Variants in COL5A1 observed in about 807,000 individuals in gnomAD.
COL5A1 encodes collagen type V alpha 1 chain.
Under a neutral mutation model 263.7 loss-of-function variants are expected in COL5A1, and 16 were observed. That is an observed-to-expected ratio of 0.06 (90% CI 0.04 to 0.09). The LOEUF (loss-of-function observed/expected upper bound fraction) is 0.09, where lower values mean the gene tolerates loss of function less well. Among genes scored for constraint, COL5A1 ranks in the 10% least tolerant of loss-of-function variants. The pLI is 1.00. For synonymous variants in COL5A1, 1,012 were observed against 1,004.5 expected (o/e 1.01, Z -0.14); for missense variants, 2,036 against 2,540.5 (o/e 0.80, Z 4.27).
rs751950836 is a variant in COL5A1 at position 134,796,386 on chromosome 9, G to A, written c.2812G>A (p.Gly938Ser). 1 of 1,614,144 alleles carries A rather than the reference G, an allele frequency of 6.2e-7. No individual in the cohort carries two copies. The highest frequency in any genetic ancestry group is 1.1e-5 in the South Asian group (1 of 91,084). The change falls in exon 35 of 66, where the codon GGT becomes AGT. Residue 938 changes from glycine (G) to serine (S), a missense_variant. By Grantham distance (56) the Gly-to-Ser change is moderately conservative. Transcript: ENST00000371817. Reference sequence around the variant, plus strand: ...CTTCCCTCTCAAGGGCAACTCCGGAGGTGACGGCCCAGCTGGCCCTCCTGG... The same window carrying A: ...CTTCCCTCTCAAGGGCAACTCCGGAAGTGACGGCCCAGCTGGCCCTCCTGG... ...GKPGPKGNSG[G>S]DGPAGPPGER...
chr9:134,801,352 A>G (rs1838105956), intron 37 of COL5A1, among the ~76,000 whole-genome samples: 1 of 152,260 alleles, frequency 6.6e-6, no homozygotes, highest in South Asian at 2.1e-4. Flanking sequence ...AAACAGCCAG[A>G]GGTAGTCGCG....
chr9:134,820,277 C>A, intron 58 of COL5A1, 54 bp downstream of exon 58: 1 of 1,426,208 alleles, frequency 7.0e-7, no homozygotes, highest in Non-Finnish European at 9.9e-7. Flanking sequence ...TTTTAGATCC[C>A]TGGGGCAGGC....
At chr9:134,828,333 C>A (rs1588604230) in intron 63 of COL5A1, among the ~76,000 whole-genome samples, 1 of 152,270 alleles carries the variant, frequency 6.6e-6, no homozygotes. Context: ...GAAGCGGGCA[C>A]AAGTAGTGCC....
chr9:134,659,171 A>C (rs1408300295), intron 1 of COL5A1, among the ~76,000 whole-genome samples: 2 of 149,088 alleles, frequency 1.3e-5, no homozygotes, highest in East Asian at 3.9e-4. Context: ...AAGCGGGTGG[A>C]TCACAAGGTC....
At chr9:134,734,213 G>A (rs929172743) in intron 9 of COL5A1, among the ~76,000 whole-genome samples, 2 of 152,158 alleles carry the variant, frequency 1.3e-5, no homozygotes, top group Admixed American at 6.5e-5. Context: ...GAGTCGAGGT[G>A]GCCCCACAGG....
chr9:134,770,438 G>A (rs1836830657), intron 25 of COL5A1, among the ~76,000 whole-genome samples: 1 of 152,202 alleles, frequency 6.6e-6, no homozygotes, highest in Non-Finnish European at 1.5e-5. Flanking sequence ...AAATGGTTAA[G>A]TGAATTATGG....
At chr9:134,687,415 T>TCATCCATC (rs5901049) in intron 1 of COL5A1, among the ~76,000 whole-genome samples, 29 of 147,722 alleles carry the variant, frequency 2.0e-4, no homozygotes, top group African/African-American at 6.3e-4. Flanking sequence ...CTCTGGGACT[T>TCATCCATC]CATCCATCCA....
rs756190610 is a variant in COL5A1 at position 134,763,735 on chromosome 9, C to T, written c.2032C>T (p.Pro678Ser). Residue 678 changes from proline to serine, a missense_variant and splice_region_variant, in exon 20 of 66, where the codon CCC becomes TCC. This residue lies in a region of COL5A1 where 1,078 missense variants were observed against 1,521.4 expected (regional missense o/e 0.71). Coordinates refer to ENST00000371817, the MANE Select transcript of COL5A1 (RefSeq NM_000093.5). ...TGGGCCCAGGGGGCTGCCTGGGGAG[C>T]CCGTAAGTCTGTGAGCTGAGTGGGA... ...EVGPRGLPGEPGPRGLLGPKG... is the reference protein window; with the variant it reads ...EVGPRGLPGESGPRGLLGPKG... The T allele has an allele frequency of 2.5e-6, 4 of 1,613,316 alleles. No individual in the cohort carries two copies. Among genetic ancestry groups the T allele is most frequent in the Non-Finnish European group, 3.4e-6 (4 of 1,179,634 alleles).
chr9:134,774,050 C>CA (rs1836963482), intron 26 of COL5A1, among the ~76,000 whole-genome samples: 1 of 152,246 alleles, frequency 6.6e-6, no homozygotes, highest in Non-Finnish European at 1.5e-5. Flanking sequence ...CTGGTGCTGA[C>CA]AGGTGGTTGG....
At position 134,824,828 on chromosome 9, in the gene COL5A1, C is replaced by A. The variant is rs1219304070; in HGVS notation, c.4927C>A (p.Gln1643Lys). Reference sequence around the variant, plus strand: ...CCCCGCCCGCACCTGCAAGGACCTGCAGCTCTGCCACCCCGACTTCCCAGA... The same window carrying A: ...CCCCGCCCGCACCTGCAAGGACCTGAAGCTCTGCCACCCCGACTTCCCAGA... Reference protein sequence around the residue: ...QNPARTCKDLQLCHPDFPDGE... With the variant: ...QNPARTCKDLKLCHPDFPDGE... The change falls in exon 62 of 66, where the codon CAG becomes AAG. Residue 1643 changes from glutamine (Q) to lysine (K), a missense_variant. Coordinates refer to ENST00000371817, the MANE Select transcript of COL5A1 (RefSeq NM_000093.5). 1.9e-6 allele frequency: 3 copies of A among 1,613,560 alleles called. No individual in the cohort carries two copies. In the Admixed American group the frequency reaches 5.0e-5, roughly 27 times the overall value.
intron 1 of COL5A1, among the ~76,000 whole-genome samples, chr9:134,659,930 GC>G (rs1352037875): frequency 6.6e-6 from 1 of 152,208 alleles, no homozygotes; most frequent in Non-Finnish European, 1.5e-5. Context: ...GGTAGGTGCT[GC>G]CTGTTTAGTT....
intron 65 of COL5A1, among the ~76,000 whole-genome samples, chr9:134,839,786 C>T (rs2132937775): frequency 6.6e-6 from 1 of 152,302 alleles, no homozygotes; most frequent in South Asian, 2.1e-4. Flanking sequence ...TGTGGATGGC[C>T]ACCTCTCATT....
In COL5A1 at chr9:134,842,425, C is replaced by T. The variant is rs1176892164; in HGVS notation, c.*122C>T. 2 of 1,242,742 alleles carry T rather than the reference C, an allele frequency of 1.6e-6. No homozygotes were observed. Among genetic ancestry groups the T allele is most frequent in the African/African-American group, 1.5e-5 (1 of 67,512 alleles). 77.0% of individuals were successfully genotyped at this position (1,242,742 alleles called of 1,614,324 possible). A position where few individuals can be genotyped will look rare whatever the true frequency, so the allele number is the denominator to read the frequency against. On this transcript the variant is annotated 3_prime_UTR_variant, in exon 66 of 66. Coordinates refer to ENST00000371817, the MANE Select transcript of COL5A1 (RefSeq NM_000093.5). The surrounding 1 kb of genome is among the most constrained non-coding windows in gnomAD (Gnocchi z 5.8). ...GGCTTCTCCCTCCCCTCCCACCTGA[C>T]TTCATCTACGCCTCGGCACCACGGG... is the stretch of plus-strand genomic sequence containing the variant.
At chr9:134,745,560 G>A (rs896072867) in intron 11 of COL5A1, among the ~76,000 whole-genome samples, 9 of 152,248 alleles carry the variant, frequency 5.9e-5, no homozygotes, top group Non-Finnish European at 1.3e-4. Context: ...TGAGGGGTGC[G>A]GTCTGAGGCA....
Position 134,760,613 on chromosome 9 carries a change from ACACACACACC to A in COL5A1, c.1936-1304_1936-1295del, listed in dbSNP as rs575993504. On this transcript the variant is annotated intron_variant, in intron 18 of 65. Coordinates refer to ENST00000371817, the MANE Select transcript of COL5A1 (RefSeq NM_000093.5). ...ACATGCACACACACCACACATGCAC[ACACACACACC>A]CACACACCCCCACACTCATACACTC... is the stretch of plus-strand genomic sequence containing the variant. Among the ~76,000 whole-genome samples the A allele has an allele frequency of 1.8e-3, 213 of 116,076 alleles. 3 individuals are homozygous for A. Among genetic ancestry groups the A allele is most frequent in the African/African-American group, 7.1e-3 (187 of 26,422 alleles). 76.2% of individuals were successfully genotyped at this position (116,076 alleles called of 152,430 possible).
chr9:134,816,726 C>T (rs1838760691), intron 52 of COL5A1, among the ~76,000 whole-genome samples: 2 of 152,234 alleles, frequency 1.3e-5, no homozygotes, highest in Non-Finnish European at 2.9e-5. Flanking sequence ...GCCAGTGCCT[C>T]GTCCCTGCCC....
intron 25 of COL5A1, among the ~76,000 whole-genome samples, chr9:134,772,110 C>T (rs909217049): frequency 1.3e-5 from 2 of 152,202 alleles, no homozygotes; most frequent in Non-Finnish European, 2.9e-5. Flanking sequence ...CAGCTCCCCT[C>T]CATCCCCGAG....
chr9:134,683,677 G>A (rs1395307093), intron 1 of COL5A1, among the ~76,000 whole-genome samples: 4 of 152,288 alleles, frequency 2.6e-5, no homozygotes, highest in South Asian at 2.1e-4. Flanking sequence ...TGCAGGCCCC[G>A]GTCCTGCCCT....
At chr9:134,796,954 ACCTGTCCCCTCCAAAACCCG>A (rs1236038216) in intron 36 of COL5A1, 53 bp downstream of exon 36, 2 of 258,448 alleles carry the variant, frequency 7.7e-6, no homozygotes, top group Admixed American at 7.8e-5. Flanking sequence ...TCCAAAACCC[ACCTGTCCCCTCCAAAACCCG>A]CCTGTTTTCT....
Sources: allele counts gnomAD v4.1 joint callset (sites outside exome capture counted in the v4.1 genomes callset), GRCh38; gene constraint gnomAD v4.1.1; regional missense constraint gnomAD v4.1.1; non-coding constraint Gnocchi (gnomAD v3.1); transcripts MANE v1.5; gene names NCBI Gene and HGNC (gene_info 2026-07-23, HGNC 2026-07-21).